Variants in MMP24 observed in about 807,000 individuals in gnomAD.
MMP24 encodes the protein matrix metallopeptidase 24, also known as matrix metalloproteinase-24.
MMP24 carries 25 observed loss-of-function variants against 62.8 expected under a neutral mutation model. The ratio of observed to expected loss-of-function variants is 0.40; its 90% confidence interval spans 0.29 to 0.56. The LOEUF (loss-of-function observed/expected upper bound fraction) is 0.56, where lower values mean the gene tolerates loss of function less well. MMP24 is among the 20% of genes least tolerant of loss of function. The pLI, the probability that MMP24 is intolerant of heterozygous loss-of-function variation, is 0.50. For missense variants in MMP24, 634 were observed against 853.6 expected (o/e 0.74, Z 3.21); for synonymous variants, 319 against 350.5 (o/e 0.91, Z 1.00).
intron 1 of MMP24, among the ~76,000 whole-genome samples, chr20:35,246,171 C>T (rs186326768): frequency 2.3e-4 from 35 of 151,914 alleles, no homozygotes; most frequent in Non-Finnish European, 4.6e-4. Flanking sequence ...ATCAGCCGTG[C>T]TGGCCGGGCG....
At chr20:35,227,802 T>C (rs1211116688) in intron 1 of MMP24, among the ~76,000 whole-genome samples, 2 of 152,194 alleles carry the variant, frequency 1.3e-5, no homozygotes, top group Non-Finnish European at 1.5e-5. Flanking sequence ...CTGCAATTAT[T>C]ATCCCCATTT....
chr20:35,263,696 G>A, intron 4 of MMP24, 95 bp from the exon 5 acceptor site: 1 of 1,117,944 alleles, frequency 8.9e-7, no homozygotes, highest in Non-Finnish European at 1.2e-6. Context: ...GCCTGGCACA[G>A]GGCCCGTGCT....
intron 1 of MMP24, among the ~76,000 whole-genome samples, chr20:35,231,401 C>A (rs935411193): frequency 1.3e-5 from 2 of 152,122 alleles, no homozygotes; most frequent in African/African-American, 4.8e-5. Flanking sequence ...ATTCCCAAAT[C>A]AAAATATTCT....
Position 35,267,384 on chromosome 20 carries a change from G to C in MMP24, c.1159G>C (p.Val387Leu), listed in dbSNP as rs2060641807. 6.4e-7 allele frequency: 1 copy of C among 1,570,264 alleles called. No individual in the cohort carries two copies. The highest frequency in any genetic ancestry group is 8.6e-7 in the Non-Finnish European group (1 of 1,158,080). ...CATCTGTGACGGCAACTTCAACACA[G>C]TGGCCCTCTTCCGGGGCGAGATGTT... ...PNICDGNFNT[V>L]ALFRGEMFVF... The change falls in exon 6 of 9, where the codon GTG (valine) becomes CTG (leucine). Residue 387 changes from valine to leucine, a missense_variant. Around this residue, in one of 3 missense-constraint regions of MMP24, gnomAD observed 399 missense variants for 530.8 expected, o/e 0.75. Transcript: ENST00000246186.
rs1305259920 is a variant in MMP24 at position 35,269,681 on chromosome 20, C to CT, written c.1195-78dup. 6.7e-7 allele frequency: 1 copy of CT among 1,503,668 alleles called. No individual in the cohort carries two copies. Among genetic ancestry groups the CT allele is most frequent in the East Asian group, 2.5e-5 (1 of 40,686 alleles). 93.1% of individuals were successfully genotyped at this position (1,503,668 alleles called of 1,614,324 possible). The stretch of plus-strand genomic sequence containing the variant: ...CGGTGGAGGGCTGGGCTGTTGGGAC[C>CT]TAAGCCCCACAGCTGCAATCACTGG... On this transcript the variant is annotated intron_variant, in intron 6 of 8. Coordinates refer to ENST00000246186, the MANE Select transcript of MMP24 (RefSeq NM_006690.4). This position sits in a 1 kb window ranked among gnomAD's most constrained non-coding sequence, Gnocchi z 4.6.
In MMP24 at chr20:35,271,748, G is replaced by T; in HGVS notation, c.1513G>T (p.Ala505Ser). The T allele has an allele frequency of 6.3e-7, 1 of 1,599,274 alleles. No individual in the cohort carries two copies. Among genetic ancestry groups the T allele is most frequent in the Non-Finnish European group, 8.5e-7 (1 of 1,173,312 alleles). Reference sequence around the variant, plus strand: ...CTGGCGCTACAGCGAGGAGCGGCGGGCCACGGACCCTGGCTACCCTAAGCC... The same window carrying T: ...CTGGCGCTACAGCGAGGAGCGGCGGTCCACGGACCCTGGCTACCCTAAGCC... ...RYWRYSEERRATDPGYPKPIT... is the reference protein window; with the variant it reads ...RYWRYSEERRSTDPGYPKPIT... The change falls in exon 8 of 9, where the codon GCC (alanine) becomes TCC (serine). Residue 505 changes from alanine (A) to serine (S), a missense_variant. This residue lies in a region of MMP24 where 399 missense variants were observed against 530.8 expected (regional missense o/e 0.75). Transcript: ENST00000246186. The surrounding 1 kb of genome is among the most constrained non-coding windows in gnomAD (Gnocchi z 4.0).
chr20:35,260,445 G>A (rs1474131626), intron 4 of MMP24, among the ~76,000 whole-genome samples: 2 of 152,110 alleles, frequency 1.3e-5, no homozygotes, highest in Non-Finnish European at 2.9e-5. Context: ...TCCCAGCTGA[G>A]CTCCCTGTGG....
intron 1 of MMP24, among the ~76,000 whole-genome samples, chr20:35,228,463 A>T (rs1410269310): frequency 6.6e-6 from 1 of 152,188 alleles, no homozygotes; most frequent in Admixed American, 6.5e-5. Context: ...TAGAAGAAAG[A>T]TTGCTTTAGA....
chr20:35,256,851 G>A lies in MMP24; in HGVS notation c.817+2097G>A, dbSNP rs73105231. ...ACATTCCTGGGGCCTTCTGATGCAGGTGTTCCATCACCATGAGAAACGCTA... is the reference window on the plus strand; with the variant it reads ...ACATTCCTGGGGCCTTCTGATGCAGATGTTCCATCACCATGAGAAACGCTA... On this transcript the variant is annotated intron_variant, in intron 4 of 8. Coordinates refer to ENST00000246186, the MANE Select transcript of MMP24 (RefSeq NM_006690.4). Among the ~76,000 whole-genome samples, 680 of 152,064 alleles carry A rather than the reference G, an allele frequency of 4.5e-3. 3 individuals carry two copies. The highest frequency in any genetic ancestry group is 0.01 in the South Asian group (50 of 4,816).
rs2060707087 is a variant in MMP24 at position 35,276,462 on chromosome 20, C to T, written c.*1853C>T. On this transcript the variant is annotated 3_prime_UTR_variant, in exon 9 of 9. Coordinates refer to ENST00000246186, the MANE Select transcript of MMP24 (RefSeq NM_006690.4). Reference sequence around the variant, plus strand: ...TCTCACCGTGCCCTCAGATGAAGCACAGAGAGGTTGTTACTTGCCCGGGCC... The same window carrying T: ...TCTCACCGTGCCCTCAGATGAAGCATAGAGAGGTTGTTACTTGCCCGGGCC... 2.5e-6 allele frequency: 1 copy of T among 396,862 alleles called. No homozygotes were observed. Among genetic ancestry groups the T allele is most frequent in the African/African-American group, 2.1e-5 (1 of 48,598 alleles). The allele number at this position is 396,862 out of a possible 1,614,324, so 24.6% of individuals were successfully genotyped here.
rs940097029 is a variant in MMP24 at position 35,248,337 on chromosome 20, G to A, written c.395+1349G>A. On this transcript the variant is annotated intron_variant, in intron 2 of 8. Coordinates refer to ENST00000246186, the MANE Select transcript of MMP24 (RefSeq NM_006690.4). Reference sequence around the variant, plus strand: ...TTTTTTTTTGATGAGATGAAGTCTCGATCTGTCACCCAGGCTGGAGGGCAG... The same window carrying A: ...TTTTTTTTTGATGAGATGAAGTCTCAATCTGTCACCCAGGCTGGAGGGCAG... Among the ~76,000 whole-genome samples the A allele has an allele frequency of 6.6e-5, 9 of 135,462 alleles. No individual in the cohort carries two copies. The East Asian group carries it at 1.3e-3, about 19-fold the overall frequency. The allele number at this position is 135,462 out of a possible 152,430, so 88.9% of individuals were successfully genotyped here.
At chr20:35,254,383 A>G (rs1020079695) in intron 3 of MMP24, 67 bp from the exon 4 acceptor site, 5 of 1,400,146 alleles carry the variant, frequency 3.6e-6, no homozygotes, top group Non-Finnish European at 4.9e-6. Flanking sequence ...TGTCTCAGGT[A>G]TCTATTTTAG....
chr20:35,269,707 G>A lies in MMP24; in HGVS notation c.1195-53G>A. On this transcript the variant is annotated intron_variant, in intron 6 of 8. Transcript: ENST00000246186. This position sits in a 1 kb window ranked among gnomAD's most constrained non-coding sequence, Gnocchi z 4.6. ...TAAGCCCCACAGCTGCAATCACTGG[G>A]TTCGGAGGCAGGGCCTGACACACCT... 1 of 1,547,972 alleles carries A rather than the reference G, an allele frequency of 6.5e-7. No homozygotes were observed. The highest frequency in any genetic ancestry group is 2.4e-5 in the East Asian group (1 of 40,978).
At position 35,226,890 on chromosome 20, in the gene MMP24, GGGCGGCGGC is replaced by G; in HGVS notation, c.164_172del (p.Ala55_Ala57del). The stretch of plus-strand genomic sequence containing the variant: ...CTCTGCTGCCTCCCGGGCGCCGCGC[GGGCGGCGGC>G]GGCGGCGGCGGGGGCAGGGAACCGG... On this transcript the variant is annotated inframe_deletion, in exon 1 of 9. Coordinates refer to ENST00000246186, the MANE Select transcript of MMP24 (RefSeq NM_006690.4). 1 of 977,176 alleles carries G rather than the reference GGGCGGCGGC, an allele frequency of 1.0e-6. No individual in the cohort carries two copies. The highest frequency in any genetic ancestry group is 1.2e-6 in the Non-Finnish European group (1 of 826,196). The allele number at this position is 977,176 out of a possible 1,614,324, so 60.5% of individuals were successfully genotyped here. A position where few individuals can be genotyped will look rare whatever the true frequency, so the allele number is the denominator to read the frequency against.
chr20:35,265,242 T>C (rs568966099), intron 5 of MMP24, among the ~76,000 whole-genome samples: 1 of 151,924 alleles, frequency 6.6e-6, no homozygotes, highest in African/African-American at 2.4e-5. Context: ...GGAGTTCAAG[T>C]CTAGCCTGGC....
intron 8 of MMP24, among the ~76,000 whole-genome samples, chr20:35,273,353 A>C (rs1331800748): frequency 6.6e-6 from 1 of 151,748 alleles, no homozygotes; most frequent in African/African-American, 2.4e-5. Context: ...TTACAACTGC[A>C]CCACTGTACT....
Position 35,271,970 on chromosome 20 carries a change from C to G in MMP24, c.1600+135C>G. The G allele has an allele frequency of 1.0e-6, 1 of 976,246 alleles. No homozygotes were observed. The highest frequency in any genetic ancestry group is 1.5e-6 in the Non-Finnish European group (1 of 680,142). 60.5% of individuals were successfully genotyped at this position (976,246 alleles called of 1,614,324 possible). On this transcript the variant is annotated intron_variant, in intron 8 of 8. Transcript: ENST00000246186. The surrounding 1 kb of genome is among the most constrained non-coding windows in gnomAD (Gnocchi z 4.0). ...CTGGTGGCAGACAACTGCCTCATAT[C>G]TACCCATGTTCACGTGGTCCATTAA...
intron 2 of MMP24, among the ~76,000 whole-genome samples, chr20:35,251,150 C>T (rs2146215497): frequency 1.3e-5 from 2 of 148,226 alleles, no homozygotes; most frequent in African/African-American, 5.1e-5. Context: ...CGGCATTTCA[C>T]TCTTCTTGCC....
intron 1 of MMP24, among the ~76,000 whole-genome samples, chr20:35,246,471 G>A (rs912956275): frequency 2.6e-5 from 4 of 152,126 alleles, no homozygotes; most frequent in South Asian, 2.1e-4. Context: ...GCTGGACTCC[G>A]TCTCAAAAAA....
Sources: allele counts gnomAD v4.1 joint callset (sites outside exome capture counted in the v4.1 genomes callset), GRCh38; gene constraint gnomAD v4.1.1; regional missense constraint gnomAD v4.1.1; non-coding constraint Gnocchi (gnomAD v3.1); transcripts MANE v1.5; gene names NCBI Gene and HGNC (gene_info 2026-07-23, HGNC 2026-07-21).